GRM5: variants seen among roughly 807,000 people sequenced by gnomAD.
GRM5 encodes glutamate metabotropic receptor 5.
A neutral mutation model predicts 83.1 loss-of-function variants in GRM5; 19 were observed. The ratio of observed to expected loss-of-function variants is 0.23; its 90% CI spans 0.16 to 0.34. The LOEUF (loss-of-function observed/expected upper bound fraction) is 0.34, where lower values mean the gene tolerates loss of function less well. GRM5 is among the 10% of genes least tolerant of loss of function. The pLI is 1.00. For synonymous variants in GRM5, 675 were observed against 633.6 expected, an observed-to-expected ratio of 1.07 and a Z score of -0.98; for missense variants, 1,160 against 1,588.3, an observed-to-expected ratio of 0.73 and a Z score of 4.58.
intron 3 of GRM5, among the ~76,000 whole-genome samples, chr11:88,831,020 CG>C (rs1329879049): frequency 6.6e-6 from 1 of 152,012 alleles, no homozygotes; most frequent in East Asian, 1.9e-4. Flanking sequence ...TACCCCCCAC[CG>C]AGGCCCTCCC....
intron 4 of GRM5, among the ~76,000 whole-genome samples, chr11:88,622,875 T>A (rs772579233): frequency 6.6e-6 from 1 of 152,184 alleles, no homozygotes; most frequent in African/African-American, 2.4e-5. Context: ...TGCCACTTAC[T>A]AGTTGTGTAA....
intron 2 of GRM5, among the ~76,000 whole-genome samples, chr11:89,002,098 A>G (rs1940400263): frequency 6.6e-6 from 1 of 152,152 alleles, no homozygotes; most frequent in Non-Finnish European, 1.5e-5. Flanking sequence ...TGGAGCTCAT[A>G]TTGTCTTCTA....
chr11:88,659,972 T>C (rs1939863340), intron 3 of GRM5, among the ~76,000 whole-genome samples: 1 of 152,212 alleles, frequency 6.6e-6, no homozygotes, highest in South Asian at 2.1e-4. Context: ...GAAAATTGCA[T>C]TGAGTGATCC....
intron 3 of GRM5, among the ~76,000 whole-genome samples, chr11:88,762,363 A>G (rs1223690743): frequency 1.3e-5 from 2 of 152,096 alleles, no homozygotes; most frequent in African/African-American, 4.8e-5. Flanking sequence ...CCCCATTAAA[A>G]TGTGGACAAA....
intron 3 of GRM5, among the ~76,000 whole-genome samples, chr11:88,825,775 A>G (rs752019684): frequency 5.3e-5 from 8 of 152,190 alleles, no homozygotes; most frequent in South Asian, 4.1e-4. Flanking sequence ...CTGTTTGCCT[A>G]TTTCTGAAGG....
At chr11:88,791,693 A>C (rs540654917) in intron 3 of GRM5, among the ~76,000 whole-genome samples, 1 of 152,278 alleles carries the variant, frequency 6.6e-6, no homozygotes, top group African/African-American at 2.4e-5. Context: ...AAGTGCTATT[A>C]AATAAAGGAC....
At chr11:88,812,658 C>A (rs1465134628) in intron 3 of GRM5, among the ~76,000 whole-genome samples, 1 of 152,116 alleles carries the variant, frequency 6.6e-6, no homozygotes, top group Non-Finnish European at 1.5e-5. Context: ...GCTGACACTG[C>A]CTCTCTGCCT....
intron 3 of GRM5, among the ~76,000 whole-genome samples, chr11:88,662,063 A>AG (rs1368309003): frequency 6.6e-6 from 1 of 152,164 alleles, no homozygotes; most frequent in Admixed American, 6.6e-5. Context: ...ATTCAAAAGA[A>AG]GGGAAAAAGT....
intron 5 of GRM5, 70 bp from the exon 6 acceptor site, chr11:88,597,422 T>TC: frequency 1.3e-6 from 1 of 798,030 alleles, no homozygotes; most frequent in Non-Finnish European, 1.9e-6. Flanking sequence ...GGCAATATAT[T>TC]TTATTCCCAA....
At chr11:88,751,759 G>A (rs979142973) in intron 3 of GRM5, among the ~76,000 whole-genome samples, 10 of 152,012 alleles carry the variant, frequency 6.6e-5, no homozygotes, top group Non-Finnish European at 1.2e-4. Context: ...CACCATAATC[G>A]AGTTCGCTTC....
intron 2 of GRM5, among the ~76,000 whole-genome samples, chr11:89,036,243 G>A (rs981472819): frequency 1.3e-5 from 2 of 152,006 alleles, no homozygotes; most frequent in African/African-American, 2.4e-5. Context: ...GGAGGAAAGC[G>A]TGGGGTGTAT....
At chr11:88,614,543 A>G (rs990116838) in intron 4 of GRM5, among the ~76,000 whole-genome samples, 2 of 152,182 alleles carry the variant, frequency 1.3e-5, no homozygotes, top group Non-Finnish European at 2.9e-5. Context: ...CCTGGTCCAC[A>G]ATAGACAGCA....
At chr11:88,702,715 T>C (rs1376352911) in intron 3 of GRM5, among the ~76,000 whole-genome samples, 1 of 152,040 alleles carries the variant, frequency 6.6e-6, no homozygotes, top group Non-Finnish European at 1.5e-5. Flanking sequence ...GATAAGTATA[T>C]AAAGAGGTGA....
chr11:88,970,960 T>C (rs907260694), intron 2 of GRM5, among the ~76,000 whole-genome samples: 10 of 152,160 alleles, frequency 6.6e-5, no homozygotes, highest in African/African-American at 2.4e-4. Context: ...CCTTCCTTTG[T>C]GTGAGCTTTT....
intron 2 of GRM5, among the ~76,000 whole-genome samples, chr11:88,866,886 G>C (rs575338790): frequency 1.1e-4 from 16 of 152,110 alleles, no homozygotes; most frequent in Admixed American, 6.6e-4. Context: ...TTCTGTAAAA[G>C]GTGTAAGGAA....
In GRM5 at chr11:88,556,521, C is replaced by T. The variant is rs188512433; in HGVS notation, c.2630+10532G>A. On this transcript the variant is annotated intron_variant, in intron 8 of 9. Transcript: ENST00000305447. The stretch of plus-strand genomic sequence containing the variant: ...TATTTTTGGTAGAGACAGGGTTTCA[C>T]CATGTTGGTCAGGCTGGTCTTAAAC... 2.1e-4 allele frequency among the ~76,000 whole-genome samples: 32 copies of T among 152,048 alleles called. 1 individual carries two copies. The East Asian group carries it at 6.2e-3, about 30-fold the overall frequency.
At chr11:88,689,265 T>C (rs1281421758) in intron 3 of GRM5, among the ~76,000 whole-genome samples, 1 of 152,172 alleles carries the variant, frequency 6.6e-6, no homozygotes, top group African/African-American at 2.4e-5. Context: ...AGTTCAACTT[T>C]CAGAAAAATT....
At chr11:88,823,028 C>A (rs529642739) in intron 3 of GRM5, among the ~76,000 whole-genome samples, 143 of 151,880 alleles carry the variant, frequency 9.4e-4, no homozygotes, top group African/African-American at 3.4e-3. Flanking sequence ...TTTCTCTATT[C>A]TTTTGCAAGT....
chr11:89,062,533 C>T (rs1942016077), intron 1 of GRM5, among the ~76,000 whole-genome samples: 1 of 152,210 alleles, frequency 6.6e-6, no homozygotes, highest in Non-Finnish European at 1.5e-5. Context: ...TGCCTTCTCA[C>T]TGGTCTGTAT....
Sources: gnomAD v4.1 joint callset for allele counts (sites outside exome capture counted in the v4.1 genomes callset) on GRCh38, gnomAD v4.1.1 for gene constraint, MANE v1.5 for transcripts, NCBI Gene and HGNC (gene_info 2026-07-23, HGNC 2026-07-21) for gene names.